Variants in IL1RAPL2 observed in about 807,000 individuals in gnomAD.
IL1RAPL2 encodes the protein X-linked interleukin-1 receptor accessory protein-like 2.
IL1RAPL2 carries 3 observed loss-of-function variants against 44.1 expected under a neutral mutation model. The observed-to-expected ratio is 0.07, with a 90% CI of 0.03 to 0.18. The LOEUF (loss-of-function observed/expected upper bound fraction) is 0.18, where lower values mean the gene tolerates loss of function less well. IL1RAPL2 is among the 10% of genes least tolerant of loss of function. The probability of loss-of-function intolerance (pLI) is 1.00; values close to 1 mark genes in which losing one functional copy is unlikely to be tolerated. For missense variants in IL1RAPL2, 391 were observed against 496.4 expected (o/e 0.79, Z 2.02); for synonymous variants, 181 against 178.8 (o/e 1.01, Z -0.10).
At chrX:104,665,756 AT>A (rs1281916772) in intron 2 of IL1RAPL2, among the ~76,000 whole-genome samples, 1 of 111,180 alleles carries the variant, frequency 9.0e-6, no homozygotes, top group Non-Finnish European at 1.9e-5. Flanking sequence ...GAAATATTCC[AT>A]TGTGTGGACT....
Position 104,880,857 on chromosome X carries a change from C to A in IL1RAPL2, c.82+221862C>A, listed in dbSNP as rs185263266. Among the ~76,000 whole-genome samples the A allele has an allele frequency of 2.7e-4, 30 of 111,802 alleles. No individual in the cohort carries two copies. The East Asian group carries it at 8.4e-3, about 31-fold the overall frequency. On this transcript the variant is annotated intron_variant, in intron 2 of 10. Transcript: ENST00000372582. ...AATAAGCAATCCTTCAACACGCCAT[C>A]AACTTTTGAGTCCCATGATTGATTT... is the stretch of plus-strand genomic sequence containing the variant.
At chrX:105,431,716 G>A (rs745528396) in intron 5 of IL1RAPL2, among the ~76,000 whole-genome samples, 41 of 111,523 alleles carry the variant, frequency 3.7e-4, no homozygotes, top group African/African-American at 1.3e-3. Flanking sequence ...TAGTTCTGAT[G>A]TCTGTCTTTG....
intron 2 of IL1RAPL2, among the ~76,000 whole-genome samples, chrX:104,897,873 T>C (rs1435654965): frequency 8.9e-6 from 1 of 111,803 alleles, no homozygotes; most frequent in Non-Finnish European, 1.9e-5. Flanking sequence ...AAGGAGAACC[T>C]TTTGTAAAGT....
chrX:104,990,787 A>G (rs761955530), intron 2 of IL1RAPL2, among the ~76,000 whole-genome samples: 7 of 111,382 alleles, frequency 6.3e-5, no homozygotes, highest in Non-Finnish European at 1.3e-4. Flanking sequence ...TGTGTTGCAA[A>G]ATTATATTTA....
intron 2 of IL1RAPL2, among the ~76,000 whole-genome samples, chrX:104,745,945 T>C (rs1932168005): frequency 8.9e-6 from 1 of 111,811 alleles, no homozygotes; most frequent in African/African-American, 3.2e-5. Context: ...TAGCATGTAA[T>C]AGATGCTCAA....
chrX:104,954,849 A>G (rs760252367), intron 2 of IL1RAPL2, among the ~76,000 whole-genome samples: 9 of 113,077 alleles, frequency 8.0e-5, no homozygotes, highest in African/African-American at 2.6e-4. Context: ...TTCACTTAGG[A>G]AAGAATTCAA....
At chrX:104,878,136 A>G (rs999445743) in intron 2 of IL1RAPL2, among the ~76,000 whole-genome samples, 5 of 111,636 alleles carry the variant, frequency 4.5e-5, no homozygotes, top group African/African-American at 1.6e-4. Flanking sequence ...CTGTACCATG[A>G]TACCAGTTAG....
intron 2 of IL1RAPL2, among the ~76,000 whole-genome samples, chrX:104,843,046 A>G (rs1052013043): frequency 2.7e-5 from 3 of 111,949 alleles, no homozygotes; most frequent in African/African-American, 9.7e-5. Flanking sequence ...CAGGGAGATG[A>G]GAGTTTTATC....
At chrX:105,388,645 C>G (rs1251764918) in intron 5 of IL1RAPL2, among the ~76,000 whole-genome samples, 1 of 110,889 alleles carries the variant, frequency 9.0e-6, no homozygotes, top group Non-Finnish European at 1.9e-5. Flanking sequence ...CTTAAAAATA[C>G]TGGAAGGCTT....
rs1434730893 is a variant in IL1RAPL2 at position 104,787,869 on chromosome X, A to G, written c.82+128874A>G. Among the ~76,000 whole-genome samples the G allele has an allele frequency of 2.7e-5, 3 of 112,120 alleles. No homozygotes were observed. The Admixed American group carries it at 2.8e-4, about 11-fold the overall frequency. On this transcript the variant is annotated intron_variant, in intron 2 of 10. Coordinates refer to ENST00000372582, the MANE Select transcript of IL1RAPL2 (RefSeq NM_017416.2). Reference sequence around the variant, plus strand: ...TAAATAAGTTCCAAAGGAGTTTTAGATGCACAGAGCCAAGGTTCAGAATCA... The same window carrying G: ...TAAATAAGTTCCAAAGGAGTTTTAGGTGCACAGAGCCAAGGTTCAGAATCA...
intron 3 of IL1RAPL2, among the ~76,000 whole-genome samples, chrX:105,233,110 C>T (rs1008479110): frequency 3.7e-4 from 41 of 111,290 alleles, no homozygotes; most frequent in Non-Finnish European, 6.8e-4. Flanking sequence ...GGTGAAACCC[C>T]GTCTCTACTA....
intron 5 of IL1RAPL2, among the ~76,000 whole-genome samples, chrX:105,479,437 G>T (rs1001276711): frequency 1.8e-5 from 2 of 110,951 alleles, no homozygotes; most frequent in African/African-American, 6.6e-5. Flanking sequence ...ATAGAAGATA[G>T]GTGGGTAAAA....
intron 2 of IL1RAPL2, among the ~76,000 whole-genome samples, chrX:104,877,560 AT>A (rs1922942176): frequency 8.9e-6 from 1 of 112,570 alleles, no homozygotes; most frequent in Admixed American, 9.4e-5. Flanking sequence ...TTTTGTTAAG[AT>A]TTTTGCATGT....
intron 2 of IL1RAPL2, among the ~76,000 whole-genome samples, chrX:105,116,419 C>A (rs1195368059): frequency 8.9e-6 from 1 of 112,932 alleles, no homozygotes; most frequent in Non-Finnish European, 1.9e-5. Context: ...TAAACTGCAA[C>A]TATTATCATT....
intron 5 of IL1RAPL2, among the ~76,000 whole-genome samples, chrX:105,474,917 G>A (rs1387835422): frequency 9.0e-6 from 1 of 110,852 alleles, no homozygotes; most frequent in African/African-American, 3.3e-5. Context: ...ACAGTATAGA[G>A]TAGTGGCTAT....
At chrX:105,160,329 A>G (rs2033311987) in intron 2 of IL1RAPL2, among the ~76,000 whole-genome samples, 1 of 110,891 alleles carries the variant, frequency 9.0e-6, no homozygotes, top group African/African-American at 3.3e-5. Flanking sequence ...ACAAGCAGAT[A>G]TGGAAATTGT....
intron 2 of IL1RAPL2, among the ~76,000 whole-genome samples, chrX:104,932,795 A>G (rs1413013276): frequency 8.9e-6 from 1 of 112,461 alleles, no homozygotes. Flanking sequence ...TGTTAATACT[A>G]GAGTTTGGGC....
chrX:104,934,713 G>A (rs1434728448), intron 2 of IL1RAPL2, among the ~76,000 whole-genome samples: 2 of 111,625 alleles, frequency 1.8e-5, no homozygotes, highest in African/African-American at 3.2e-5. Context: ...TAGGCTCATC[G>A]TAGTCTAGGT....
chrX:105,734,493 G>C (rs1272151598), intron 7 of IL1RAPL2, among the ~76,000 whole-genome samples: 2 of 111,767 alleles, frequency 1.8e-5, no homozygotes, highest in Non-Finnish European at 3.8e-5. Flanking sequence ...CTAACTCCAA[G>C]GTTCAAGTGA....
Sources: gnomAD v4.1 joint callset for allele counts (sites outside exome capture counted in the v4.1 genomes callset) on GRCh38, gnomAD v4.1.1 for gene constraint, MANE v1.5 for transcripts, NCBI Gene and HGNC (gene_info 2026-07-23, HGNC 2026-07-21) for gene names.